Variants in GRID2 observed in about 807,000 individuals in gnomAD.
The protein encoded by GRID2 is glutamate receptor ionotropic, delta-2.
Under a neutral mutation model 114.8 loss-of-function variants are expected in GRID2, and 33 were observed. The ratio of observed to expected loss-of-function variants is 0.29; its 90% confidence interval spans 0.22 to 0.38. The LOEUF is 0.38. Among genes scored for constraint, GRID2 ranks in the 10% least tolerant of loss-of-function variants. The probability of loss-of-function intolerance (pLI) is 1.00; values close to 1 mark genes in which losing one functional copy is unlikely to be tolerated. For missense variants in GRID2, 1,184 were observed against 1,257.7 expected, an observed-to-expected ratio of 0.94 and a Z score of 0.89; for synonymous variants, 505 against 449.9, an observed-to-expected ratio of 1.12 and a Z score of -1.55.
At chr4:92,534,872 G>A (rs1293590712) in intron 1 of GRID2, among the ~76,000 whole-genome samples, 1 of 152,112 alleles carries the variant, frequency 6.6e-6, no homozygotes, top group Non-Finnish European at 1.5e-5. Flanking sequence ...AGCTTGGAAA[G>A]ACTAAACTAA....
chr4:93,607,968 T>G (rs1217867068), intron 13 of GRID2, among the ~76,000 whole-genome samples: 3 of 151,788 alleles, frequency 2.0e-5, no homozygotes, highest in Non-Finnish European at 4.4e-5. Flanking sequence ...AGTCTTTTCT[T>G]GGCTTTGTGA....
intron 2 of GRID2, among the ~76,000 whole-genome samples, chr4:93,018,569 G>T (rs917509854): frequency 1.3e-5 from 2 of 152,078 alleles, no homozygotes; most frequent in Non-Finnish European, 2.9e-5. Context: ...AATTTATAAA[G>T]CTTGAAGACA....
At chr4:93,278,956 C>G (rs1579522923) in intron 8 of GRID2, among the ~76,000 whole-genome samples, 1 of 151,808 alleles carries the variant, frequency 6.6e-6, no homozygotes, top group African/African-American at 2.4e-5. Context: ...CTCTCCCTCT[C>G]TCCTCTCCTC....
intron 10 of GRID2, among the ~76,000 whole-genome samples, chr4:93,453,502 A>G (rs1722916039): frequency 6.6e-6 from 1 of 152,120 alleles, no homozygotes; most frequent in Admixed American, 6.5e-5. Flanking sequence ...ATATATGACA[A>G]GTAATTGTTA....
intron 8 of GRID2, among the ~76,000 whole-genome samples, chr4:93,390,269 C>A (rs919625048): frequency 6.6e-6 from 1 of 152,138 alleles, no homozygotes; most frequent in Non-Finnish European, 1.5e-5. Flanking sequence ...ACAAAATATT[C>A]TAATAGTCAA....
intron 4 of GRID2, among the ~76,000 whole-genome samples, chr4:93,129,576 C>T (rs1734606765): frequency 6.6e-6 from 1 of 152,126 alleles, no homozygotes; most frequent in Non-Finnish European, 1.5e-5. Context: ...CAATCCAGGG[C>T]CTACTTAATA....
At chr4:92,933,774 T>A (rs1750420596) in intron 2 of GRID2, among the ~76,000 whole-genome samples, 1 of 151,562 alleles carries the variant, frequency 6.6e-6, no homozygotes, top group African/African-American at 2.4e-5. Context: ...AAATGAAAAA[T>A]TTTTCTTTCT....
At chr4:93,748,312 A>G (rs1314958591) in intron 14 of GRID2, among the ~76,000 whole-genome samples, 1 of 152,116 alleles carries the variant, frequency 6.6e-6, no homozygotes, top group Non-Finnish European at 1.5e-5. Flanking sequence ...CATTATAATA[A>G]ATTATAAATA....
intron 2 of GRID2, among the ~76,000 whole-genome samples, chr4:92,955,571 G>C (rs369125402): frequency 0.04 from 6,067 of 152,196 alleles, 186 homozygotes; most frequent in Middle Eastern, 0.11. Context: ...TAGGTTGCCT[G>C]TTCTCTCTGA....
chr4:93,085,113 C>T lies in GRID2; in HGVS notation c.363C>T (p.Arg121=). ...ATATCCCCCACCTCTTCATTCAGCG[C>T]TCAACAGCTGGGACCCCAAGGAGTG... The part of the protein sequence containing the change: ...AMHIPHLFIQ[R]STAGTPRSGC... Residue 121 remains arginine (R), a synonymous_variant, in exon 3 of 16, where the codon CGC becomes CGT. Coordinates refer to ENST00000282020, the MANE Select transcript of GRID2 (RefSeq NM_001510.4). The T allele has an allele frequency of 6.2e-7, 1 of 1,614,152 alleles. No individual in the cohort carries two copies. The highest frequency in any genetic ancestry group is 8.5e-7 in the Non-Finnish European group (1 of 1,180,004).
At chr4:93,397,541 T>G (rs1014273779) in intron 9 of GRID2, among the ~76,000 whole-genome samples, 1 of 151,968 alleles carries the variant, frequency 6.6e-6, no homozygotes, top group Non-Finnish European at 1.5e-5. Flanking sequence ...TATTTCGCAA[T>G]TACTATATGA....
At chr4:92,996,638 C>A (rs1412465621) in intron 2 of GRID2, among the ~76,000 whole-genome samples, 1 of 152,038 alleles carries the variant, frequency 6.6e-6, no homozygotes, top group Non-Finnish European at 1.5e-5. Flanking sequence ...AAGTCAGGAG[C>A]CGGAAAATTC....
intron 4 of GRID2, among the ~76,000 whole-genome samples, chr4:93,154,074 A>G (rs1439509558): frequency 6.6e-6 from 1 of 152,002 alleles, no homozygotes; most frequent in Non-Finnish European, 1.5e-5. Flanking sequence ...TCCTCCTATT[A>G]ATTAAAATTC....
chr4:93,683,252 A>G (rs543026030), intron 14 of GRID2, among the ~76,000 whole-genome samples: 1 of 152,134 alleles, frequency 6.6e-6, no homozygotes, highest in Admixed American at 6.6e-5. Flanking sequence ...CTCAAGTTAC[A>G]TCACAAGAGT....
intron 1 of GRID2, among the ~76,000 whole-genome samples, chr4:92,413,481 T>C (rs1236742990): frequency 6.6e-6 from 1 of 152,068 alleles, no homozygotes; most frequent in African/African-American, 2.4e-5. Context: ...AAGTCAGTAG[T>C]AAGATTAGAT....
chr4:93,699,921 A>G (rs552996675), intron 14 of GRID2, among the ~76,000 whole-genome samples: 1 of 152,262 alleles, frequency 6.6e-6, no homozygotes, highest in Non-Finnish European at 1.5e-5. Context: ...TATTTGCTCT[A>G]AACTAGACTT....
intron 13 of GRID2, among the ~76,000 whole-genome samples, chr4:93,608,301 T>TG (rs1280745503): frequency 4.1e-5 from 6 of 146,414 alleles, no homozygotes; most frequent in African/African-American, 1.5e-4. Context: ...TTTTTCTTTT[T>TG]TTTTTTTTAA....
At chr4:92,611,996 T>C (rs753532176) in intron 2 of GRID2, among the ~76,000 whole-genome samples, 5 of 151,590 alleles carry the variant, frequency 3.3e-5, no homozygotes, top group Non-Finnish European at 5.9e-5. Context: ...TTAAAAATTT[T>C]GCTGCAGTTA....
At chr4:92,708,140 T>G (rs1735044307) in intron 2 of GRID2, among the ~76,000 whole-genome samples, 1 of 152,080 alleles carries the variant, frequency 6.6e-6, no homozygotes, top group African/African-American at 2.4e-5. Flanking sequence ...GTCCACATAG[T>G]CCAGGGAAGC....
Sources: allele counts gnomAD v4.1 joint callset (sites outside exome capture counted in the v4.1 genomes callset), GRCh38; gene constraint gnomAD v4.1.1; transcripts MANE v1.5; gene names NCBI Gene and HGNC (gene_info 2026-07-23, HGNC 2026-07-21).